The following REEP3 variants were observed in gnomAD, a reference collection of about 807,000 sequenced individuals.
REEP3 encodes the protein receptor accessory protein 3, also known as receptor expression-enhancing protein 3.
A neutral mutation model predicts 41.3 loss-of-function variants in REEP3; 20 were observed. The observed-to-expected ratio is 0.48, with a 90% confidence interval of 0.34 to 0.70. The LOEUF (loss-of-function observed/expected upper bound fraction) is 0.70, where lower values mean the gene tolerates loss of function less well. Among genes scored for constraint, REEP3 ranks in the 30% least tolerant of loss-of-function variants. The probability of loss-of-function intolerance (pLI) is 0.01; values close to 1 mark genes in which losing one functional copy is unlikely to be tolerated. For synonymous variants in REEP3, 104 were observed against 101.8 expected, an observed-to-expected ratio of 1.02 and a Z score of -0.13; for missense variants, 271 against 308.8, an observed-to-expected ratio of 0.88 and a Z score of 0.92.
intron 2 of REEP3, among the ~76,000 whole-genome samples, chr10:63,567,282 T>TAA (rs1955808118): frequency 6.6e-6 from 1 of 152,100 alleles, no homozygotes; most frequent in Non-Finnish European, 1.5e-5. Context: ...TACATATATA[T>TAA]AATACAATAT....
intron 3 of REEP3, 130 bp from the exon 4 acceptor site, chr10:63,597,893 GC>G: frequency 1.4e-6 from 1 of 710,810 alleles, no homozygotes; most frequent in Non-Finnish European, 2.2e-6. Flanking sequence ...GATGACAAGA[GC>G]AAAACTCCAT....
At chr10:63,556,484 A>G (rs1345693546) in intron 1 of REEP3, among the ~76,000 whole-genome samples, 1 of 151,418 alleles carries the variant, frequency 6.6e-6, no homozygotes, top group African/African-American at 2.4e-5. Context: ...ATACTCAAAC[A>G]GAATTTGAGT....
At chr10:63,570,424 T>C (rs2133379265) in intron 2 of REEP3, among the ~76,000 whole-genome samples, 1 of 152,342 alleles carries the variant, frequency 6.6e-6, no homozygotes, top group African/African-American at 2.4e-5. Flanking sequence ...TTTGCAGTAA[T>C]ACCATGTCTC....
chr10:63,580,490 C>T (rs1043198543), intron 2 of REEP3, among the ~76,000 whole-genome samples: 3 of 151,876 alleles, frequency 2.0e-5, no homozygotes, highest in African/African-American at 7.3e-5. Context: ...TCAAAAGAAT[C>T]TGTAAGAAAT....
chr10:63,575,185 T>G (rs1335800290), intron 2 of REEP3, among the ~76,000 whole-genome samples: 1 of 152,184 alleles, frequency 6.6e-6, no homozygotes, highest in Non-Finnish European at 1.5e-5. Context: ...GATGCTAGGT[T>G]GGAAATCATT....
chr10:63,579,568 A>G (rs1955930405), intron 2 of REEP3, among the ~76,000 whole-genome samples: 1 of 152,240 alleles, frequency 6.6e-6, no homozygotes, highest in Non-Finnish European at 1.5e-5. Flanking sequence ...TAGCCAACTC[A>G]CAGCTGCCTG....
At chr10:63,593,380 A>G (rs1223528401) in intron 2 of REEP3, among the ~76,000 whole-genome samples, 1 of 152,192 alleles carries the variant, frequency 6.6e-6, no homozygotes, top group African/African-American at 2.4e-5. Flanking sequence ...TAATGGGTTA[A>G]GCAATTCCAG....
chr10:63,581,409 A>C (rs1343364985), intron 2 of REEP3, among the ~76,000 whole-genome samples: 2 of 152,212 alleles, frequency 1.3e-5, no homozygotes, highest in Non-Finnish European at 2.9e-5. Flanking sequence ...AAAAAAATTA[A>C]AATGCATTGA....
intron 2 of REEP3, among the ~76,000 whole-genome samples, chr10:63,582,699 C>T (rs1055765197): frequency 6.6e-6 from 1 of 152,146 alleles, no homozygotes; most frequent in African/African-American, 2.4e-5. Flanking sequence ...GACCAAATGT[C>T]TCCGTCAGTG....
At chr10:63,523,366 C>T (rs1458766087) in intron 1 of REEP3, among the ~76,000 whole-genome samples, 1 of 152,182 alleles carries the variant, frequency 6.6e-6, no homozygotes, top group Non-Finnish European at 1.5e-5. Flanking sequence ...AGTAGAGTGG[C>T]TCACACCTGT....
chr10:63,610,342 T>C lies in REEP3; in HGVS notation c.565+8T>C. On this transcript the variant is annotated splice_region_variant and intron_variant, in intron 6 of 7. Coordinates refer to ENST00000373758, the MANE Select transcript of REEP3 (RefSeq NM_001001330.3). ...CCCCCAGTGAATCAGCAGGTGTGCT[T>C]GTGTGTTTTAATATACGGTTCTTTT... is the stretch of plus-strand genomic sequence containing the variant. 6.4e-7 allele frequency: 1 copy of C among 1,551,636 alleles called. No individual in the cohort carries two copies. The highest frequency in any genetic ancestry group is 1.7e-4 in the Middle Eastern group (1 of 5,998).
chr10:63,536,873 T>C (rs746248246), intron 1 of REEP3, among the ~76,000 whole-genome samples: 12 of 152,224 alleles, frequency 7.9e-5, no homozygotes, highest in Non-Finnish European at 1.8e-4. Flanking sequence ...GGCAAAGATG[T>C]GTACAGCAAC....
At chr10:63,605,566 T>G (rs557331901) in intron 5 of REEP3, among the ~76,000 whole-genome samples, 1 of 152,134 alleles carries the variant, frequency 6.6e-6, no homozygotes, top group African/African-American at 2.4e-5. Flanking sequence ...GTGAAGAAAA[T>G]AAAGGTTTTA....
intron 1 of REEP3, among the ~76,000 whole-genome samples, chr10:63,529,662 C>G (rs1352413943): frequency 1.6e-4 from 25 of 151,970 alleles, no homozygotes; most frequent in Non-Finnish European, 1.5e-5. Flanking sequence ...AGATGAGGGT[C>G]TTGCCATATT....
intron 5 of REEP3, among the ~76,000 whole-genome samples, chr10:63,603,330 A>AAAC (rs1956192127): frequency 6.8e-6 from 1 of 146,600 alleles, no homozygotes; most frequent in East Asian, 2.0e-4. Context: ...AAAAAAAAAA[A>AAAC]AAAAGACCCC....
chr10:63,581,377 T>TA lies in REEP3; in HGVS notation c.106-13398dup, dbSNP rs537190753. Among the ~76,000 whole-genome samples, 23 of 152,336 alleles carry TA rather than the reference T, an allele frequency of 1.5e-4. No individual in the cohort carries two copies. In the East Asian group the frequency reaches 3.3e-3, roughly 22 times the overall value. ...AAAATGTAATGGAAATGTAAAATGA[T>TA]AAAGTTTTTTTGAAAAACTATAAAA... is the stretch of plus-strand genomic sequence containing the variant. On this transcript the variant is annotated intron_variant, in intron 2 of 7. Transcript: ENST00000373758.
chr10:63,552,410 C>CA (rs534375085), intron 1 of REEP3, among the ~76,000 whole-genome samples: 97 of 145,892 alleles, frequency 6.6e-4, no homozygotes, highest in Non-Finnish European at 1.1e-3. Context: ...GACTCCGTCT[C>CA]AAAAAAAAAA....
intron 6 of REEP3, among the ~76,000 whole-genome samples, chr10:63,614,923 G>A (rs907496084): frequency 1.3e-5 from 2 of 152,186 alleles, no homozygotes; most frequent in African/African-American, 4.8e-5. Flanking sequence ...GTTCAAAGAT[G>A]TATTTACAAG....
intron 2 of REEP3, among the ~76,000 whole-genome samples, chr10:63,579,564 A>G (rs1955930296): frequency 6.6e-6 from 1 of 152,222 alleles, no homozygotes; most frequent in African/African-American, 2.4e-5. Context: ...TAGCTAGCCA[A>G]CTCACAGCTG....
Sources: gnomAD v4.1 joint callset for allele counts (sites outside exome capture counted in the v4.1 genomes callset) on GRCh38, gnomAD v4.1.1 for gene constraint, MANE v1.5 for transcripts, NCBI Gene and HGNC (gene_info 2026-07-23, HGNC 2026-07-21) for gene names.